ARSB: variants seen among roughly 807,000 people sequenced by gnomAD.
The protein encoded by ARSB is N-acetylgalactosamine-4-sulfatase.
Under a neutral mutation model 50.9 loss-of-function variants are expected in ARSB, and 41 were observed. The ratio of observed to expected loss-of-function variants is 0.81; its 90% confidence interval spans 0.63 to 1.04. ARSB has a LOEUF of 1.04. Among genes scored for constraint, ARSB ranks in the 50% least tolerant of loss-of-function variants. ARSB has a pLI of 0.00. For synonymous variants in ARSB, 269 were observed against 284.8 expected (o/e 0.94, Z 0.56); for missense variants, 672 against 693.3 (o/e 0.97, Z 0.35).
At chr5:78,914,009 C>T (rs1007485750) in intron 4 of ARSB, among the ~76,000 whole-genome samples, 5 of 149,300 alleles carry the variant, frequency 3.3e-5, no homozygotes, top group Admixed American at 2.7e-4. Context: ...ATCACCCAGG[C>T]AGGAGTGCGG....
At chr5:78,796,255 T>C (rs887268867) in intron 6 of ARSB, among the ~76,000 whole-genome samples, 1 of 152,272 alleles carries the variant, frequency 6.6e-6, no homozygotes, top group African/African-American at 2.4e-5. Context: ...TTGATCACTA[T>C]ATGTGTTAGA....
chr5:78,964,840 T>A (rs1181133079), intron 2 of ARSB, among the ~76,000 whole-genome samples: 1 of 147,824 alleles, frequency 6.8e-6, no homozygotes, highest in Non-Finnish European at 1.5e-5. Context: ...ATAGGCGCTA[T>A]CATGTAACAC....
In ARSB at chr5:78,959,414, G is replaced by A. The variant is rs75385577; in HGVS notation, c.691-3912C>T. Among the ~76,000 whole-genome samples the A allele has an allele frequency of 7.8e-3, 1,178 of 151,518 alleles. 24 individuals are homozygous for A. In the South Asian group the frequency reaches 0.079, roughly 10 times the overall value. On this transcript the variant is annotated intron_variant, in intron 3 of 7. Coordinates refer to ENST00000264914, the MANE Select transcript of ARSB (RefSeq NM_000046.5). Reference sequence around the variant, plus strand: ...AACTCAGGCAGTTCTTTATAACAGCGTGAGAATGGACTAATACAGTAAGAA... The same window carrying A: ...AACTCAGGCAGTTCTTTATAACAGCATGAGAATGGACTAATACAGTAAGAA...
intron 4 of ARSB, among the ~76,000 whole-genome samples, chr5:78,923,788 G>C (rs774964127): frequency 6.6e-6 from 1 of 152,312 alleles, no homozygotes; most frequent in African/African-American, 2.4e-5. Context: ...GGACTTCAGT[G>C]AATAGGTTCA....
chr5:78,805,321 GAGGCACAC>G (rs1561432558), intron 6 of ARSB, among the ~76,000 whole-genome samples: 1 of 152,206 alleles, frequency 6.6e-6, no homozygotes, highest in Admixed American at 6.5e-5. Context: ...GTCAGCCAAC[GAGGCACAC>G]AGGCAGCTAT....
In ARSB at chr5:78,777,940, G is replaced by T. The variant is rs576148086; in HGVS notation, c.*2457C>A. 1.3e-5 allele frequency: 2 copies of T among 151,054 alleles called. No individual in the cohort carries two copies. Among genetic ancestry groups the T allele is most frequent in the African/African-American group, 4.9e-5 (2 of 41,016 alleles). The allele number at this position is 151,054 out of a possible 1,614,324, so 9.4% of individuals were successfully genotyped here. A position where few individuals can be genotyped will look rare whatever the true frequency, so the allele number is the denominator to read the frequency against. On this transcript the variant is annotated 3_prime_UTR_variant, in exon 8 of 8. Transcript: ENST00000264914. Reference sequence around the variant, plus strand: ...TTTCACATTCTTATATAGAATCAGAGAATCTAATGAAATACATTCTATTAT... The same window carrying T: ...TTTCACATTCTTATATAGAATCAGATAATCTAATGAAATACATTCTATTAT...
At chr5:78,874,862 G>A (rs1425991472) in intron 5 of ARSB, among the ~76,000 whole-genome samples, 1 of 151,998 alleles carries the variant, frequency 6.6e-6, no homozygotes, top group South Asian at 2.1e-4. Context: ...TAATCCCAGC[G>A]CTTTGGGAGG....
At chr5:78,833,621 G>T (rs1243505098) in intron 6 of ARSB, among the ~76,000 whole-genome samples, 1 of 152,210 alleles carries the variant, frequency 6.6e-6, no homozygotes, top group Non-Finnish European at 1.5e-5. Context: ...AGTGAATGAT[G>T]AAACAACCAG....
At chr5:78,872,204 T>A (rs1334464382) in intron 5 of ARSB, among the ~76,000 whole-genome samples, 2 of 150,536 alleles carry the variant, frequency 1.3e-5, no homozygotes, top group Non-Finnish European at 3.0e-5. Context: ...AGGAACACTT[T>A]TACACTGTTG....
intron 4 of ARSB, among the ~76,000 whole-genome samples, chr5:78,905,422 C>G (rs1435415635): frequency 6.7e-6 from 1 of 148,374 alleles, no homozygotes; most frequent in African/African-American, 2.5e-5. Context: ...GCCTCTAGGT[C>G]TAGTTAAAAT....
At chr5:78,814,104 T>G (rs1207489803) in intron 6 of ARSB, among the ~76,000 whole-genome samples, 1 of 151,012 alleles carries the variant, frequency 6.6e-6, no homozygotes, top group Non-Finnish European at 1.5e-5. Context: ...TTTAATTTCA[T>G]GACCACTTCC....
At chr5:78,950,135 C>G (rs1453063143) in intron 4 of ARSB, among the ~76,000 whole-genome samples, 1 of 152,108 alleles carries the variant, frequency 6.6e-6, no homozygotes, top group Non-Finnish European at 1.5e-5. Flanking sequence ...GCCATGGTGA[C>G]AAGCATCCAG....
intron 1 of ARSB, among the ~76,000 whole-genome samples, chr5:78,971,786 T>C (rs1752464286): frequency 6.6e-6 from 1 of 152,246 alleles, no homozygotes; most frequent in Non-Finnish European, 1.5e-5. Flanking sequence ...AGGATGATAG[T>C]TAAGTTCACT....
At chr5:78,820,439 T>C (rs1038576558) in intron 6 of ARSB, among the ~76,000 whole-genome samples, 1 of 152,106 alleles carries the variant, frequency 6.6e-6, no homozygotes, top group Admixed American at 6.5e-5. Context: ...TGGACGCCTA[T>C]AGTCCCACCT....
intron 4 of ARSB, among the ~76,000 whole-genome samples, chr5:78,939,478 T>G (rs1750794348): frequency 6.6e-6 from 1 of 152,030 alleles, no homozygotes. Context: ...TTTCCCTTCC[T>G]GTGTCCATGT....
intron 5 of ARSB, among the ~76,000 whole-genome samples, chr5:78,847,496 G>A (rs1343075581): frequency 3.3e-5 from 5 of 152,110 alleles, no homozygotes. Context: ...GTGTGTCTAT[G>A]TTCATTGGGG....
chr5:78,902,909 T>C (rs1307518193), intron 4 of ARSB, among the ~76,000 whole-genome samples: 1 of 152,138 alleles, frequency 6.6e-6, no homozygotes, highest in African/African-American at 2.4e-5. Flanking sequence ...AAAGGATGAA[T>C]TTCATGGTAT....
At chr5:78,936,139 T>C (rs1213113505) in intron 4 of ARSB, among the ~76,000 whole-genome samples, 8 of 139,546 alleles carry the variant, frequency 5.7e-5, no homozygotes, top group African/African-American at 2.1e-4. Context: ...CTTTTTTTTT[T>C]TTTTTGGTGG....
At chr5:78,826,046 T>C (rs1404417451) in intron 6 of ARSB, among the ~76,000 whole-genome samples, 1 of 145,180 alleles carries the variant, frequency 6.9e-6, no homozygotes, top group Non-Finnish European at 1.5e-5. Flanking sequence ...GTCTTTCCTT[T>C]TTCTTTCTTT....
Sources: gnomAD v4.1 joint callset for allele counts (sites outside exome capture counted in the v4.1 genomes callset) on GRCh38, gnomAD v4.1.1 for gene constraint, MANE v1.5 for transcripts, NCBI Gene and HGNC (gene_info 2026-07-23, HGNC 2026-07-21) for gene names.